FRY: variants seen among roughly 807,000 people sequenced by gnomAD.
FRY encodes FRY microtubule binding protein.
Under a neutral mutation model 348.4 loss-of-function variants are expected in FRY, and 128 were observed. The observed-to-expected ratio is 0.37, with a 90% CI of 0.32 to 0.43. The LOEUF (loss-of-function observed/expected upper bound fraction) is 0.43. FRY is among the 20% of genes least tolerant of loss of function. The pLI is 1.00. For missense variants in FRY, 2,736 were observed against 3,695.2 expected (o/e 0.74, Z 6.73); for synonymous variants, 1,370 against 1,374.7 (o/e 1.00, Z 0.08).
chr13:32,049,194 T>C (rs1873188859), intron 1 of FRY, among the ~76,000 whole-genome samples: 2 of 152,116 alleles, frequency 1.3e-5, no homozygotes, highest in Admixed American at 1.3e-4. Context: ...GATAGTTCCA[T>C]GGAGACTGTG....
At chr13:32,043,569 T>C (rs548640737) in intron 1 of FRY, among the ~76,000 whole-genome samples, 2 of 152,274 alleles carry the variant, frequency 1.3e-5, no homozygotes, top group East Asian at 3.9e-4. Context: ...ATAAACACTA[T>C]ATTATGTGGC....
intron 51 of FRY, 42 bp from the exon 52 acceptor site, chr13:32,261,574 G>A: frequency 6.6e-7 from 1 of 1,506,996 alleles, no homozygotes; most frequent in East Asian, 2.3e-5. Flanking sequence ...GTGAGTGCAA[G>A]AGGATTTTGG....
intron 35 of FRY, among the ~76,000 whole-genome samples, chr13:32,217,679 C>T (rs1307061461): frequency 6.6e-6 from 1 of 152,196 alleles, no homozygotes; most frequent in Admixed American, 6.5e-5. Context: ...TCCTGCACTG[C>T]CACCTCCCTG....
In FRY at chr13:32,078,525, C is replaced by T. The variant is rs141322109; in HGVS notation, c.71-309C>T. ...AATGGGACTGCTGTTTCCGTAGAAC[C>T]AAAAAAATAAGCCAAAAACATCTTA... On this transcript the variant is annotated intron_variant, in intron 1 of 60. Transcript: ENST00000542859. Among the ~76,000 whole-genome samples the T allele has an allele frequency of 2.2e-4, 33 of 151,916 alleles. No individual in the cohort carries two copies. In the East Asian group the frequency reaches 6.0e-3, roughly 28 times the overall value.
intron 28 of FRY, among the ~76,000 whole-genome samples, chr13:32,190,287 C>T (rs1480740570): frequency 6.6e-6 from 1 of 151,982 alleles, no homozygotes; most frequent in Non-Finnish European, 1.5e-5. Flanking sequence ...CTTACTGTCA[C>T]CACCTCTATC....
rs762261663 is a variant in FRY, at chr13:32,136,900, C to T, written c.1107C>T (p.Leu369=). 3 of 1,608,978 alleles carry T rather than the reference C, an allele frequency of 1.9e-6. No homozygotes were observed. Among genetic ancestry groups the T allele is most frequent in the Non-Finnish European group, 2.6e-6 (3 of 1,175,322 alleles). The change falls in exon 11 of 61, where the codon CTC becomes CTT. Residue 369 remains leucine, a synonymous_variant. Transcript: ENST00000542859. ...LALYPLVTCL[L]CVSQKQLFLN... ...TGTACCCCCTGGTGACCTGTTTGCT[C>T]TGTGTCAGTCAGAAGCAGCTGTTCC...
Position 32,084,373 on chromosome 13 carries a change from T to C in FRY, c.270+5340T>C, listed in dbSNP as rs138000838. On this transcript the variant is annotated intron_variant, in intron 2 of 60. Transcript: ENST00000542859. ...TCCTTGATTTGGCCCAAACTGATCT[T>C]ACTCCCACCACATACCTTTATGAAC... Among the ~76,000 whole-genome samples the C allele has an allele frequency of 2.0e-5, 3 of 152,316 alleles. No individual in the cohort carries two copies. In the East Asian group the frequency reaches 5.8e-4, roughly 29 times the overall value.
At chr13:32,268,017 G>A (rs1035271728) in intron 55 of FRY, among the ~76,000 whole-genome samples, 8 of 152,192 alleles carry the variant, frequency 5.3e-5, no homozygotes, top group African/African-American at 1.9e-4. Context: ...TGCCTCCAGA[G>A]GAGTGCAGTA....
At position 32,175,640 on chromosome 13, in the gene FRY, C is replaced by T. The variant is rs750757904; in HGVS notation, c.2421+8C>T. 2.7e-6 allele frequency: 4 copies of T among 1,468,866 alleles called. No homozygotes were observed. Among genetic ancestry groups the T allele is most frequent in the South Asian group, 1.1e-5 (1 of 88,174 alleles). The allele number at this position is 1,468,866 out of a possible 1,614,324, so 91.0% of individuals were successfully genotyped here. A position where few individuals can be genotyped will look rare whatever the true frequency, so the allele number is the denominator to read the frequency against. On this transcript the variant is annotated splice_region_variant and intron_variant, in intron 20 of 60. Transcript: ENST00000542859. ...GTAGCAGTTTCGGATTCAGTAAGTA[C>T]ACATTTGATTCCAATTAATGGCTCT...
Position 32,261,819 on chromosome 13 carries a change from A to G in FRY, c.7617+3A>G. On this transcript the variant is annotated splice_donor_region_variant and intron_variant, in intron 52 of 60. Transcript: ENST00000542859. ...AGATCCTGGAGCACTCAGACCTAGT[A>G]AGTAGCGGCTCTCCCACTCTAAGAA... 1.2e-6 allele frequency: 2 copies of G among 1,613,470 alleles called. No homozygotes were observed. Among genetic ancestry groups the G allele is most frequent in the South Asian group, 2.2e-5 (2 of 91,068 alleles).
intron 20 of FRY, 60 bp downstream of exon 20, chr13:32,175,692 G>A: frequency 2.0e-6 from 2 of 980,616 alleles, no homozygotes; most frequent in Non-Finnish European, 3.3e-6. Context: ...ATCTAAAATA[G>A]TCAGTGAAAA....
chr13:32,251,257 G>A (rs907171604), intron 49 of FRY, among the ~76,000 whole-genome samples: 11 of 152,144 alleles, frequency 7.2e-5, no homozygotes, highest in African/African-American at 2.7e-4. Flanking sequence ...TCAAGGGGCT[G>A]GAAAATAGGT....
intron 54 of FRY, among the ~76,000 whole-genome samples, chr13:32,266,488 A>G (rs749885561): frequency 6.6e-6 from 1 of 152,222 alleles, no homozygotes; most frequent in African/African-American, 2.4e-5. Context: ...TTCAAAATTT[A>G]TATAATTTTT....
intron 1 of FRY, among the ~76,000 whole-genome samples, chr13:32,065,462 C>T (rs962332759): frequency 2.0e-5 from 3 of 152,006 alleles, no homozygotes; most frequent in Admixed American, 6.6e-5. Flanking sequence ...CCCACCACCA[C>T]GCCTGACTGA....
intron 1 of FRY, among the ~76,000 whole-genome samples, chr13:32,059,043 A>G (rs1433459766): frequency 1.3e-5 from 2 of 152,228 alleles, no homozygotes; most frequent in Non-Finnish European, 2.9e-5. Flanking sequence ...GTGAAATAAT[A>G]CATGGAAAGT....
At chr13:32,134,803 C>T in intron 8 of FRY, 101 bp from the exon 9 acceptor site, 1 of 798,602 alleles carries the variant, frequency 1.3e-6, no homozygotes, top group South Asian at 1.3e-5. Context: ...TCTGTTGATA[C>T]ATGATTGAAT....
At chr13:32,169,137 C>T (rs187131939) in intron 17 of FRY, among the ~76,000 whole-genome samples, 1 of 152,298 alleles carries the variant, frequency 6.6e-6, no homozygotes, top group East Asian at 1.9e-4. Context: ...ATATCTTTGG[C>T]CTCTGTCTGC....
At chr13:32,047,529 C>T (rs1399495412) in intron 1 of FRY, among the ~76,000 whole-genome samples, 5 of 150,892 alleles carry the variant, frequency 3.3e-5, no homozygotes, top group African/African-American at 7.3e-5. Flanking sequence ...ACAGTTGCAG[C>T]GTTTTCTTTT....
At chr13:32,163,996 G>T (rs1881594558) in intron 17 of FRY, among the ~76,000 whole-genome samples, 2 of 152,110 alleles carry the variant, frequency 1.3e-5, no homozygotes, top group African/African-American at 4.8e-5. Flanking sequence ...ACCCATGAAG[G>T]GACCTTTTTA....
Sources: allele counts gnomAD v4.1 joint callset (sites outside exome capture counted in the v4.1 genomes callset), GRCh38; gene constraint gnomAD v4.1.1; transcripts MANE v1.5; gene names NCBI Gene and HGNC (gene_info 2026-07-23, HGNC 2026-07-21).